Variants in RPAP2 observed in about 807,000 individuals in gnomAD.
RPAP2 encodes the protein putative RNA polymerase II subunit B1 CTD phosphatase RPAP2.
RPAP2 carries 52 observed loss-of-function variants against 73.1 expected under a neutral mutation model. That is an observed-to-expected ratio of 0.71 (90% CI 0.57 to 0.90). The LOEUF (loss-of-function observed/expected upper bound fraction) is 0.90. Ranked by LOEUF, RPAP2 falls within the 40% of genes least tolerant of loss-of-function variation. RPAP2 has a pLI of 0.00. For synonymous variants in RPAP2, 225 were observed against 242.1 expected, an observed-to-expected ratio of 0.93 and a Z score of 0.65; for missense variants, 598 against 701.8, an observed-to-expected ratio of 0.85 and a Z score of 1.67.
chr1:92,361,378 A>C (rs1217979812), intron 11 of RPAP2, among the ~76,000 whole-genome samples: 1 of 152,178 alleles, frequency 6.6e-6, no homozygotes, highest in Non-Finnish European at 1.5e-5. Context: ...GTAAGCATTC[A>C]GTGAATATTT....
At chr1:92,384,922 G>A (rs1655801690) in intron 12 of RPAP2, among the ~76,000 whole-genome samples, 1 of 152,098 alleles carries the variant, frequency 6.6e-6, no homozygotes, top group Non-Finnish European at 1.5e-5. Context: ...GGCCAAGGTG[G>A]GAGGATCGCT....
chr1:92,373,739 T>TAAAAAAA (rs59586077), intron 11 of RPAP2, among the ~76,000 whole-genome samples: 64 of 80,528 alleles, frequency 7.9e-4, no homozygotes, highest in Non-Finnish European at 1.3e-3. Context: ...CTACTAAAAA[T>TAAAAAAA]AAAAAAAAAA....
chr1:92,343,840 T>C (rs1051795197), intron 10 of RPAP2, among the ~76,000 whole-genome samples: 1 of 152,282 alleles, frequency 6.6e-6, no homozygotes, highest in African/African-American at 2.4e-5. Context: ...GGGCAAGTTG[T>C]ACTTTTTAAT....
chr1:92,385,350 T>C (rs1351462038), intron 12 of RPAP2, among the ~76,000 whole-genome samples: 1 of 152,212 alleles, frequency 6.6e-6, no homozygotes, highest in Non-Finnish European at 1.5e-5. Context: ...CTTTCAACAG[T>C]AGATGTTTTA....
chr1:92,334,706 G>A, intron 9 of RPAP2, among the ~76,000 whole-genome samples: 1 of 151,948 alleles, frequency 6.6e-6, no homozygotes, highest in East Asian at 1.9e-4. Flanking sequence ...TAAAAATTCG[G>A]CCGAGTGCAG....
At chr1:92,319,145 A>G (rs1405132568) in intron 6 of RPAP2, among the ~76,000 whole-genome samples, 1 of 152,218 alleles carries the variant, frequency 6.6e-6, no homozygotes, top group Non-Finnish European at 1.5e-5. Flanking sequence ...ATCCATCTTT[A>G]TAAGCCCAGC....
chr1:92,367,625 C>T (rs1387409481), intron 11 of RPAP2, among the ~76,000 whole-genome samples: 1 of 152,154 alleles, frequency 6.6e-6, no homozygotes, highest in Non-Finnish European at 1.5e-5. Flanking sequence ...AACAGGTCTC[C>T]CTACTGCAGC....
chr1:92,372,569 T>C (rs1655198397), intron 11 of RPAP2, among the ~76,000 whole-genome samples: 1 of 152,146 alleles, frequency 6.6e-6, no homozygotes, highest in Non-Finnish European at 1.5e-5. Context: ...GCAGAATGTG[T>C]GGCCTGGGGG....
intron 3 of RPAP2, 24 bp downstream of exon 3, chr1:92,301,614 T>G (rs1195294572): frequency 9.7e-7 from 1 of 1,029,416 alleles, no homozygotes; most frequent in Non-Finnish European, 1.4e-6. Context: ...TGACAAATTA[T>G]TAGTTTTGTA....
intron 6 of RPAP2, among the ~76,000 whole-genome samples, chr1:92,319,470 T>C (rs1431513638): frequency 6.6e-6 from 1 of 152,140 alleles, no homozygotes; most frequent in Non-Finnish European, 1.5e-5. Flanking sequence ...TTTCTTCTAC[T>C]AAATTTTAAG....
At chr1:92,376,559 A>G (rs966977354) in intron 11 of RPAP2, among the ~76,000 whole-genome samples, 3 of 152,180 alleles carry the variant, frequency 2.0e-5, no homozygotes, top group Admixed American at 1.3e-4. Flanking sequence ...AGAAATCTCT[A>G]GGCCCCAAGT....
chr1:92,320,649 G>A lies in RPAP2; in HGVS notation c.524+15G>A. On this transcript the variant is annotated intron_variant, in intron 7 of 12. Transcript: ENST00000610020. ...GAAGAACAAAGGTATGGTTGAATCAGTATCATTTACCATTTATATATTTAT... is the reference window on the plus strand; with the variant it reads ...GAAGAACAAAGGTATGGTTGAATCAATATCATTTACCATTTATATATTTAT... The A allele has an allele frequency of 6.3e-7, 1 of 1,591,286 alleles. No individual in the cohort carries two copies. Among genetic ancestry groups the A allele is most frequent in the South Asian group, 1.1e-5 (1 of 89,988 alleles).
In RPAP2 at chr1:92,393,675, C is replaced by T. The variant is rs1656111541; in HGVS notation, c.*6664C>T. 1.3e-5 allele frequency: 2 copies of T among 152,106 alleles called. No homozygotes were observed. Among genetic ancestry groups the T allele is most frequent in the African/African-American group, 2.4e-5 (1 of 41,416 alleles). 9.4% of individuals were successfully genotyped at this position (152,106 alleles called of 1,614,324 possible). On this transcript the variant is annotated 3_prime_UTR_variant, in exon 13 of 13. Coordinates refer to ENST00000610020, the MANE Select transcript of RPAP2 (RefSeq NM_024813.3). The stretch of plus-strand genomic sequence containing the variant: ...TCAAAAAATGGGCAAAGGATATGAA[C>T]AGATACTTCTCAAAAGAAGACATTT...
chr1:92,361,888 G>A (rs1197685082), intron 11 of RPAP2, among the ~76,000 whole-genome samples: 1 of 152,124 alleles, frequency 6.6e-6, no homozygotes, highest in African/African-American at 2.4e-5. Flanking sequence ...TGGTTATAGA[G>A]CAGTTAATCA....
intron 12 of RPAP2, among the ~76,000 whole-genome samples, chr1:92,382,683 G>A (rs562191512): frequency 2.0e-5 from 3 of 152,178 alleles, no homozygotes; most frequent in East Asian, 3.9e-4. Context: ...CTTTGTCGAT[G>A]AGTAGGTTGC....
At chr1:92,369,198 C>A (rs969984164) in intron 11 of RPAP2, among the ~76,000 whole-genome samples, 1 of 152,176 alleles carries the variant, frequency 6.6e-6, no homozygotes, top group African/African-American at 2.4e-5. Context: ...GCATAAAACA[C>A]ATTAAATATC....
chr1:92,300,390 A>C, intron 2 of RPAP2, 151 bp downstream of exon 2: 1 of 644,244 alleles, frequency 1.6e-6, no homozygotes, highest in Non-Finnish European at 2.7e-6. Context: ...ATAAATTCTC[A>C]CATAGACTGT....
In RPAP2 at chr1:92,312,172, G is replaced by A. The variant is rs143135805; in HGVS notation, c.488+4896G>A. 2.9e-3 allele frequency among the ~76,000 whole-genome samples: 442 copies of A among 152,234 alleles called. 3 individuals carry two copies. The highest frequency in any genetic ancestry group is 4.7e-3 in the Admixed American group (72 of 15,272). On this transcript the variant is annotated intron_variant, in intron 6 of 12. Transcript: ENST00000610020. ...ATGCCTGTAATCCCAGCATTGTTGCGGGGCAAGGCAGGAGGATCACTTAAA... is the reference window on the plus strand; with the variant it reads ...ATGCCTGTAATCCCAGCATTGTTGCAGGGCAAGGCAGGAGGATCACTTAAA...
At chr1:92,379,608 A>G (rs1409021465) in intron 11 of RPAP2, among the ~76,000 whole-genome samples, 2 of 152,218 alleles carry the variant, frequency 1.3e-5, no homozygotes, top group Non-Finnish European at 2.9e-5. Context: ...GAAGTGCCTT[A>G]CAAGACGTAA....
Sources: gnomAD v4.1 joint callset for allele counts (sites outside exome capture counted in the v4.1 genomes callset) on GRCh38, gnomAD v4.1.1 for gene constraint, MANE v1.5 for transcripts, NCBI Gene and HGNC (gene_info 2026-07-23, HGNC 2026-07-21) for gene names.